Variants in KIAA1549L observed in about 807,000 individuals in gnomAD.
KIAA1549L encodes KIAA1549 like.
A neutral mutation model predicts 160.7 loss-of-function variants in KIAA1549L; 88 were observed. The ratio of observed to expected loss-of-function variants is 0.55; its 90% CI spans 0.46 to 0.65. The LOEUF (loss-of-function observed/expected upper bound fraction) is 0.65. Ranked by LOEUF, KIAA1549L falls within the 30% of genes least tolerant of loss-of-function variation. The pLI is 0.00. For synonymous variants in KIAA1549L, 950 were observed against 976.7 expected, an observed-to-expected ratio of 0.97 and a Z score of 0.51; for missense variants, 2,258 against 2,437.5, an observed-to-expected ratio of 0.93 and a Z score of 1.55.
chr11:33,382,984 G>C lies in KIAA1549L; in HGVS notation c.238+6095G>C, dbSNP rs551801314. Among the ~76,000 whole-genome samples the C allele has an allele frequency of 1.5e-4, 23 of 152,264 alleles. 1 individual carries two copies. The South Asian group carries it at 4.1e-3, about 27-fold the overall frequency. The stretch of plus-strand genomic sequence containing the variant: ...GAAGAAAGTGTATTAAATATTAAAA[G>C]TACAGTGTTACTTGTACTTGGAAAA... On this transcript the variant is annotated intron_variant, in intron 1 of 20. Transcript: ENST00000658780.
Position 33,543,548 on chromosome 11 carries a change from C to T in KIAA1549L, c.1985C>T (p.Pro662Leu), listed in dbSNP as rs1854110781. The change falls in exon 2 of 21, where the codon CCA (proline) becomes CTA (leucine). Residue 662 changes from proline (P) to leucine (L), a missense_variant. This residue lies in a region of KIAA1549L where 287 missense variants were observed against 292.3 expected (regional missense o/e 0.98). Coordinates refer to ENST00000658780, the MANE Select transcript of KIAA1549L (RefSeq NM_012194.3). The part of the protein sequence containing the change: ...YAAAVDHSGL[P>L]ASASKQVRAS... ...GCTGCTGTGGACCATTCTGGGTTGC[C>T]AGCTTCAGCTTCCAAACAGGTGAGA... The T allele has an allele frequency of 6.2e-7, 1 of 1,613,902 alleles. No individual in the cohort carries two copies. The highest frequency in any genetic ancestry group is 1.7e-5 in the Admixed American group (1 of 60,014).
intron 11 of KIAA1549L, among the ~76,000 whole-genome samples, 185 bp downstream of exon 11, chr11:33,583,686 C>T (rs1184722127): frequency 2.6e-5 from 4 of 152,190 alleles, no homozygotes; most frequent in Non-Finnish European, 5.9e-5. Context: ...GATGCCCATT[C>T]GGCCATCAGT....
intron 9 of KIAA1549L, among the ~76,000 whole-genome samples, chr11:33,571,246 G>T (rs1235086587): frequency 6.6e-6 from 1 of 152,210 alleles, no homozygotes; most frequent in Non-Finnish European, 1.5e-5. Context: ...TTGCACCCCT[G>T]CACTGCAGCC....
chr11:33,623,961 A>AT (rs1189594487), intron 16 of KIAA1549L, among the ~76,000 whole-genome samples: 1 of 151,794 alleles, frequency 6.6e-6, no homozygotes, highest in Non-Finnish European at 1.5e-5. Context: ...GCCCATGCCC[A>AT]TTTTTTCCCG....
In KIAA1549L at chr11:33,673,882, T is replaced by G. The variant is rs912713896; in HGVS notation, c.*5728T>G. 2.0e-5 allele frequency: 3 copies of G among 152,236 alleles called. No individual in the cohort carries two copies. Among genetic ancestry groups the G allele is most frequent in the Admixed American group, 6.5e-5 (1 of 15,284 alleles). 9.4% of individuals were successfully genotyped at this position (152,236 alleles called of 1,614,324 possible). ...TATGTAAGTACTTGTACATGTGCTT[T>G]AACTCTGGGTGAAAAACCCCAACCG... On this transcript the variant is annotated 3_prime_UTR_variant, in exon 21 of 21. Transcript: ENST00000658780.
intron 20 of KIAA1549L, among the ~76,000 whole-genome samples, chr11:33,662,929 T>C (rs1852315355): frequency 6.6e-6 from 1 of 152,288 alleles, no homozygotes; most frequent in Middle Eastern, 3.4e-3. Flanking sequence ...GGAGAACCAA[T>C]GTCCTATTAG....
chr11:33,542,379 A>C lies in KIAA1549L; in HGVS notation c.816A>C (p.Leu272Phe). ...EPAEQSPKVL[L>F]VPQTAPADPS... is the part of the protein sequence containing the mutation. ...CAGAGCAATCCCCCAAAGTGCTGTT[A>C]GTTCCCCAAACAGCTCCAGCCGACC... is the stretch of plus-strand genomic sequence containing the variant. The change falls in exon 2 of 21, where the codon TTA (leucine) becomes TTC (phenylalanine). Residue 272 changes from leucine to phenylalanine, a missense_variant. Transcript: ENST00000658780. 8.7e-7 allele frequency: 1 copy of C among 1,148,050 alleles called. No individual in the cohort carries two copies. Among genetic ancestry groups the C allele is most frequent in the Non-Finnish European group, 1.2e-6 (1 of 805,640 alleles). 71.1% of individuals were successfully genotyped at this position (1,148,050 alleles called of 1,614,324 possible). A position where few individuals can be genotyped will look rare whatever the true frequency, so the allele number is the denominator to read the frequency against.
intron 1 of KIAA1549L, among the ~76,000 whole-genome samples, chr11:33,425,261 G>A (rs1367417465): frequency 6.6e-6 from 1 of 152,092 alleles, no homozygotes; most frequent in African/African-American, 2.4e-5. Flanking sequence ...CTTCTTCTTG[G>A]TCCTCAAGTC....
intron 1 of KIAA1549L, among the ~76,000 whole-genome samples, chr11:33,432,769 A>C (rs1851276656): frequency 6.6e-6 from 1 of 152,236 alleles, no homozygotes; most frequent in East Asian, 1.9e-4. Context: ...GAGACCTCAG[A>C]AATAACACCA....
intron 1 of KIAA1549L, among the ~76,000 whole-genome samples, chr11:33,446,204 C>T (rs1380908270): frequency 1.3e-5 from 2 of 151,378 alleles, no homozygotes; most frequent in East Asian, 3.9e-4. Flanking sequence ...AAGCGATTAT[C>T]CTGCCTCAGC....
intron 12 of KIAA1549L, among the ~76,000 whole-genome samples, chr11:33,596,901 G>T (rs944085848): frequency 2.6e-5 from 4 of 152,154 alleles, no homozygotes; most frequent in Non-Finnish European, 5.9e-5. Context: ...CAATCTAGGG[G>T]TGTGTGTCTT....
At chr11:33,478,227 C>A (rs1202570040) in intron 1 of KIAA1549L, among the ~76,000 whole-genome samples, 4 of 152,016 alleles carry the variant, frequency 2.6e-5, no homozygotes, top group African/African-American at 9.7e-5. Flanking sequence ...CACCTGCAGT[C>A]CTGCAGCAGC....
chr11:33,609,126 A>G (rs1288187267), intron 14 of KIAA1549L, among the ~76,000 whole-genome samples: 1 of 152,266 alleles, frequency 6.6e-6, no homozygotes, highest in African/African-American at 2.4e-5. Context: ...CCTTTGCCCT[A>G]TAGGGCAGGA....
chr11:33,544,262 C>T lies in KIAA1549L; in HGVS notation c.2699C>T (p.Ser900Phe). ...GGATATCACTCTGCTGCTGAATCTT[C>T]TATATCGACCAGTGTCTTTCCCAGG... is the stretch of plus-strand genomic sequence containing the variant. Reference protein sequence around the residue: ...ILGYHSAAESSISTSVFPRTS... With the variant: ...ILGYHSAAESFISTSVFPRTS... Residue 900 changes from serine (S) to phenylalanine (F), a missense_variant, in exon 2 of 21, where the codon TCT becomes TTT. By Grantham distance (155) the Ser-to-Phe change is radical. Transcript: ENST00000658780. 1 of 1,614,034 alleles carries T rather than the reference C, an allele frequency of 6.2e-7. No individual in the cohort carries two copies. Among genetic ancestry groups the T allele is most frequent in the South Asian group, 1.1e-5 (1 of 91,084 alleles).
At chr11:33,571,164 T>C (rs1393984663) in intron 9 of KIAA1549L, among the ~76,000 whole-genome samples, 1 of 152,182 alleles carries the variant, frequency 6.6e-6, no homozygotes, top group Non-Finnish European at 1.5e-5. Flanking sequence ...ACACTTGTAC[T>C]CCCAGCTACT....
chr11:33,554,831 T>C (rs140475392), intron 6 of KIAA1549L, among the ~76,000 whole-genome samples: 205 of 152,330 alleles, frequency 1.3e-3, no homozygotes, highest in African/African-American at 4.4e-3. Flanking sequence ...GGAGGATGGA[T>C]GCTGGGTAGG....
chr11:33,448,436 A>C (rs984273661), intron 1 of KIAA1549L, among the ~76,000 whole-genome samples: 2 of 152,112 alleles, frequency 1.3e-5, no homozygotes, highest in Admixed American at 1.3e-4. Flanking sequence ...AGTCTTCTCT[A>C]TGGAGCTGAC....
intron 15 of KIAA1549L, among the ~76,000 whole-genome samples, chr11:33,610,736 T>C (rs1193707707): frequency 1.3e-5 from 2 of 152,220 alleles, no homozygotes; most frequent in African/African-American, 4.8e-5. Context: ...ATGGTTTAAA[T>C]TGGCATCTGT....
intron 7 of KIAA1549L, among the ~76,000 whole-genome samples, chr11:33,560,378 A>T (rs1854812855): frequency 6.6e-6 from 1 of 152,198 alleles, no homozygotes; most frequent in Non-Finnish European, 1.5e-5. Flanking sequence ...AGGGCAACCG[A>T]TCTCTGAGCA....
Sources: gnomAD v4.1 joint callset for allele counts (sites outside exome capture counted in the v4.1 genomes callset) on GRCh38, gnomAD v4.1.1 for gene constraint, gnomAD v4.1.1 regional missense constraint, MANE v1.5 for transcripts, NCBI Gene and HGNC (gene_info 2026-07-23, HGNC 2026-07-21) for gene names.